Variants in NNMT observed in about 807,000 individuals in gnomAD.
The protein encoded by NNMT is nicotinamide N-methyltransferase.
In NNMT, 10 loss-of-function variants were observed where a neutral mutation model predicts 11.7. That is an observed-to-expected ratio of 0.85 (90% CI 0.53 to 1.45). NNMT has a LOEUF of 1.45. Among genes scored for constraint, NNMT ranks in the 40% most tolerant of loss-of-function variants. The probability of loss-of-function intolerance (pLI) is 0.00; values close to 1 mark genes in which losing one functional copy is unlikely to be tolerated. For synonymous variants in NNMT, 143 were observed against 133.8 expected, an observed-to-expected ratio of 1.07 and a Z score of -0.48; for missense variants, 381 against 319.4, an observed-to-expected ratio of 1.19 and a Z score of -1.47.
At chr11:114,297,893 C>T in intron 1 of NNMT, 58 bp from the exon 2 acceptor site, 2 of 1,435,646 alleles carry the variant, frequency 1.4e-6, no homozygotes, top group Non-Finnish European at 2.0e-6. Flanking sequence ...GTAAATTTGA[C>T]TCTGCCCACT....
chr11:114,282,937 A>G (rs1216654765), intron 2 of NNMT, among the ~76,000 whole-genome samples: 2 of 152,234 alleles, frequency 1.3e-5, no homozygotes. Context: ...GAAGTGCTCA[A>G]ACTCATCAGA....
chr11:114,268,226 C>T (rs1015433598), intron 2 of NNMT, among the ~76,000 whole-genome samples: 1 of 152,202 alleles, frequency 6.6e-6, no homozygotes. Context: ...GACCTTGTTT[C>T]CTCTTACAGG....
chr11:114,297,871 A>G (rs954470882), intron 1 of NNMT, 80 bp from the exon 2 acceptor site: 5 of 1,184,608 alleles, frequency 4.2e-6, no homozygotes, highest in Non-Finnish European at 6.3e-6. Context: ...GCACAGTCCC[A>G]GGGAAGACAA....
chr11:114,278,675 G>A (rs911780570), intron 2 of NNMT, among the ~76,000 whole-genome samples: 3 of 152,060 alleles, frequency 2.0e-5, no homozygotes, highest in Non-Finnish European at 4.4e-5. Context: ...GCACATGTAT[G>A]TGTGGTGATT....
intron 2 of NNMT, among the ~76,000 whole-genome samples, chr11:114,307,340 A>C (rs1235673165): frequency 4.6e-5 from 7 of 152,184 alleles, no homozygotes; most frequent in Non-Finnish European, 8.8e-5. Context: ...AGAACCTGGA[A>C]GTCAATTTGT....
intron 1 of NNMT, among the ~76,000 whole-genome samples, chr11:114,260,337 G>T (rs535488055): frequency 6.6e-6 from 1 of 152,218 alleles, no homozygotes; most frequent in Non-Finnish European, 1.5e-5. Context: ...CCACGAGAAA[G>T]GAAGCCCTTC....
intron 1 of NNMT, among the ~76,000 whole-genome samples, chr11:114,296,934 C>T (rs926702211): frequency 1.3e-5 from 2 of 152,136 alleles, no homozygotes; most frequent in Admixed American, 6.5e-5. Context: ...ACCAGAGGAC[C>T]GGAGTGCTGT....
chr11:114,304,523 GC>G (rs1485169213), intron 2 of NNMT, among the ~76,000 whole-genome samples: 6 of 152,268 alleles, frequency 3.9e-5, no homozygotes, highest in African/African-American at 1.4e-4. Flanking sequence ...ATGATCCTAT[GC>G]AACTCATGTC....
intron 2 of NNMT, among the ~76,000 whole-genome samples, chr11:114,304,228 A>G (rs182655118): frequency 6.6e-6 from 1 of 152,348 alleles, no homozygotes; most frequent in East Asian, 1.9e-4. Flanking sequence ...ACACCTTGCC[A>G]AAGTCCAAAT....
At chr11:114,286,428 C>A (rs1392822003) in intron 2 of NNMT, among the ~76,000 whole-genome samples, 1 of 152,182 alleles carries the variant, frequency 6.6e-6, no homozygotes, top group African/African-American at 2.4e-5. Flanking sequence ...CCCCAGTCAC[C>A]CACAGGCAAC....
At chr11:114,302,812 T>G (rs1448131981) in intron 2 of NNMT, among the ~76,000 whole-genome samples, 1 of 152,140 alleles carries the variant, frequency 6.6e-6, no homozygotes, top group African/African-American at 2.4e-5. Context: ...TGAAAGGTCA[T>G]TAGGTCATGG....
intron 2 of NNMT, 96 bp from the exon 3 acceptor site, chr11:114,311,949 T>C: frequency 2.3e-6 from 3 of 1,327,964 alleles, no homozygotes; most frequent in Non-Finnish European, 3.1e-6. Flanking sequence ...AGGACACACA[T>C]CTGGGACAAT....
chr11:114,303,904 C>G (rs1945464864), intron 2 of NNMT, among the ~76,000 whole-genome samples: 1 of 152,164 alleles, frequency 6.6e-6, no homozygotes, highest in African/African-American at 2.4e-5. Context: ...GAGTTTTGCT[C>G]TGTTGCCCAG....
At chr11:114,294,180 T>C (rs543420291), upstream of NNMT, among the ~76,000 whole-genome samples, 3 of 152,010 alleles carry the variant, frequency 2.0e-5, no homozygotes, top group South Asian at 6.2e-4. Context: ...GGATCATTAA[T>C]GGGTATAAAA....
chr11:114,270,484 T>C (rs1945161226), intron 2 of NNMT: 1 of 152,196 alleles, frequency 6.6e-6, no homozygotes, highest in Non-Finnish European at 1.5e-5. Flanking sequence ...TGATTTCCCT[T>C]ACTCCCGTCT....
chr11:114,272,149 C>T (rs750983330), intron 2 of NNMT, among the ~76,000 whole-genome samples: 23 of 152,288 alleles, frequency 1.5e-4, no homozygotes, highest in Middle Eastern at 3.4e-3. Flanking sequence ...TTTGCTCCTT[C>T]CTGGACAAAC....
At chr11:114,275,869 G>A (rs902239682) in intron 2 of NNMT, among the ~76,000 whole-genome samples, 3 of 152,168 alleles carry the variant, frequency 2.0e-5, no homozygotes, top group Non-Finnish European at 2.9e-5. Context: ...TCCTGCAAGT[G>A]TGTGTATGAG....
intron 2 of NNMT, among the ~76,000 whole-genome samples, chr11:114,269,728 C>T (rs1293992976): frequency 1.3e-5 from 2 of 152,216 alleles, no homozygotes; most frequent in South Asian, 2.1e-4. Flanking sequence ...ACCACCCTCT[C>T]ACCTCCAGCT....
chr11:114,303,263 G>A (rs899460396), intron 2 of NNMT, among the ~76,000 whole-genome samples: 19 of 151,974 alleles, frequency 1.3e-4, no homozygotes, highest in South Asian at 4.2e-4. Context: ...TTATCAAGTC[G>A]GGTAAAAAGT....
Sources: gnomAD v4.1 joint callset for allele counts (sites outside exome capture counted in the v4.1 genomes callset) on GRCh38, gnomAD v4.1.1 for gene constraint, MANE v1.5 for transcripts, NCBI Gene and HGNC (gene_info 2026-07-23, HGNC 2026-07-21) for gene names.